DENND1A: variants seen among roughly 807,000 people sequenced by gnomAD.
The protein encoded by DENND1A is DENN domain-containing protein 1A.
Under a neutral mutation model 113.7 loss-of-function variants are expected in DENND1A, and 51 were observed. The observed-to-expected ratio is 0.45, with a 90% CI of 0.36 to 0.57. The LOEUF is 0.57. Ranked by LOEUF, DENND1A falls within the 20% of genes least tolerant of loss-of-function variation. The pLI, the probability that DENND1A is intolerant of heterozygous loss-of-function variation, is 0.00. For missense variants in DENND1A, 1,258 were observed against 1,395.9 expected (o/e 0.90, Z 1.57); for synonymous variants, 565 against 570.8 (o/e 0.99, Z 0.14).
chr9:123,889,697 G>T (rs1413962166), intron 1 of DENND1A, among the ~76,000 whole-genome samples: 1 of 152,208 alleles, frequency 6.6e-6, no homozygotes. Context: ...AAGAGGCCGG[G>T]CGTGGTGGCT....
Position 123,418,763 on chromosome 9 carries a change from C to A in DENND1A, c.1489-6934G>T, listed in dbSNP as rs117088574. ...CTCTGCAGGGAACGAGGGCTGCTAC[C>A]CATTTCACAGATGAGGGCAAGCAAG... On this transcript the variant is annotated intron_variant, in intron 19 of 23. Transcript: ENST00000394215. 1.9e-3 allele frequency among the ~76,000 whole-genome samples: 283 copies of A among 152,352 alleles called. 3 individuals carry two copies. The highest frequency in any genetic ancestry group is 1.5e-3 in the Non-Finnish European group (105 of 68,026).
At chr9:123,662,226 G>C (rs998771264) in intron 8 of DENND1A, among the ~76,000 whole-genome samples, 1 of 152,218 alleles carries the variant, frequency 6.6e-6, no homozygotes. Context: ...AAGTTGGGAA[G>C]ATAGAGTAAT....
In DENND1A at chr9:123,380,730, A is replaced by C. The variant is rs1401338943; in HGVS notation, c.*702T>G. 1 of 152,530 alleles carries C rather than the reference A, an allele frequency of 6.6e-6. No homozygotes were observed. Among genetic ancestry groups the C allele is most frequent in the African/African-American group, 2.4e-5 (1 of 41,432 alleles). 9.4% of individuals were successfully genotyped at this position (152,530 alleles called of 1,614,324 possible). A position where few individuals can be genotyped will look rare whatever the true frequency, so the allele number is the denominator to read the frequency against. On this transcript the variant is annotated 3_prime_UTR_variant, in exon 24 of 24. Transcript: ENST00000394215. The stretch of plus-strand genomic sequence containing the variant: ...GTTTCCATTTTCCTTCTATAAATCA[A>C]AGTTGCTGGTGCTCGCAGCCCCCGT...
chr9:123,904,988 A>C, intron 1 of DENND1A, among the ~76,000 whole-genome samples: 1 of 152,264 alleles, frequency 6.6e-6, no homozygotes, highest in Non-Finnish European at 1.5e-5. Context: ...AGGGAAGTCC[A>C]TCAGACTAAC....
At chr9:123,485,553 G>A (rs1485375303) in intron 13 of DENND1A, 1 of 152,004 alleles carries the variant, frequency 6.6e-6, no homozygotes, top group Non-Finnish European at 1.5e-5. Flanking sequence ...CTGAGTACCT[G>A]ACCATGGGCT....
chr9:123,412,938 C>CT (rs570062732), intron 19 of DENND1A, among the ~76,000 whole-genome samples: 93 of 152,362 alleles, frequency 6.1e-4, no homozygotes, highest in African/African-American at 1.9e-3. Context: ...AATCCCAGCA[C>CT]TTTGGGAGGC....
At chr9:123,833,876 C>A (rs578094682) in intron 2 of DENND1A, among the ~76,000 whole-genome samples, 1 of 152,068 alleles carries the variant, frequency 6.6e-6, no homozygotes, top group Non-Finnish European at 1.5e-5. Flanking sequence ...CTGGCCAACA[C>A]GGTGAAACCC....
intron 13 of DENND1A, among the ~76,000 whole-genome samples, chr9:123,464,156 C>T (rs2048752099): frequency 6.6e-6 from 1 of 152,152 alleles, no homozygotes; most frequent in Non-Finnish European, 1.5e-5. Context: ...TTTTAAAGCA[C>T]TTACTATGGT....
intron 13 of DENND1A, among the ~76,000 whole-genome samples, chr9:123,461,442 A>C (rs1445383993): frequency 6.6e-6 from 1 of 152,126 alleles, no homozygotes; most frequent in Non-Finnish European, 1.5e-5. Context: ...TGTCTCTGAC[A>C]CTGTTTGGCC....
intron 2 of DENND1A, among the ~76,000 whole-genome samples, chr9:123,817,010 AG>A (rs1258562896): frequency 6.6e-6 from 1 of 152,200 alleles, no homozygotes; most frequent in Non-Finnish European, 1.5e-5. Flanking sequence ...CAGAGGAAGC[AG>A]GTTACTTCCT....
At chr9:123,571,497 T>A (rs1382959456) in intron 12 of DENND1A, among the ~76,000 whole-genome samples, 1 of 152,240 alleles carries the variant, frequency 6.6e-6, no homozygotes, top group African/African-American at 2.4e-5. Context: ...ACCACTGATC[T>A]GCTTTCAGCC....
chr9:123,721,489 C>T (rs1057345156), intron 5 of DENND1A, among the ~76,000 whole-genome samples: 3 of 152,208 alleles, frequency 2.0e-5, no homozygotes, highest in African/African-American at 7.2e-5. Context: ...CATCCCATTT[C>T]CCATCTCCAC....
chr9:123,435,522 G>A (rs1248297476), intron 19 of DENND1A, among the ~76,000 whole-genome samples: 3 of 152,206 alleles, frequency 2.0e-5, no homozygotes, highest in Non-Finnish European at 4.4e-5. Flanking sequence ...TTGTTCAGAT[G>A]GGAGAAGAAC....
chr9:123,686,966 A>C (rs755311935), intron 5 of DENND1A, among the ~76,000 whole-genome samples: 2 of 152,160 alleles, frequency 1.3e-5, no homozygotes, highest in Non-Finnish European at 2.9e-5. Context: ...TCTCTATAAA[A>C]GTGTCTGGCT....
At chr9:123,833,116 T>A in intron 2 of DENND1A, among the ~76,000 whole-genome samples, 1 of 85,630 alleles carries the variant, frequency 1.2e-5, no homozygotes, top group African/African-American at 5.3e-5. Context: ...TGGTGAGACC[T>A]CATCTCAAAA....
chr9:123,566,048 A>G (rs7855233), intron 12 of DENND1A, among the ~76,000 whole-genome samples: 66,265 of 151,938 alleles, frequency 0.44, 15,069 homozygotes, highest in African/African-American at 0.56. Flanking sequence ...TGAGGAAAGT[A>G]AGACCCAGTT....
At chr9:123,680,409 G>A (rs2064367419) in intron 5 of DENND1A, among the ~76,000 whole-genome samples, 2 of 152,262 alleles carry the variant, frequency 1.3e-5, no homozygotes, top group Non-Finnish European at 2.9e-5. Context: ...GAGGGCAAGG[G>A]CAGGTTCTAA....
intron 19 of DENND1A, among the ~76,000 whole-genome samples, chr9:123,412,393 G>A (rs891406726): frequency 2.0e-5 from 3 of 152,272 alleles, no homozygotes; most frequent in Admixed American, 1.3e-4. Context: ...GAGCTCTGTC[G>A]GCTCGGATGC....
intron 1 of DENND1A, among the ~76,000 whole-genome samples, chr9:123,884,549 C>G (rs532319389): frequency 6.6e-6 from 1 of 152,120 alleles, no homozygotes; most frequent in Non-Finnish European, 1.5e-5. Context: ...GTCTTGTACC[C>G]TACAATCCAG....
Sources: allele counts gnomAD v4.1 joint callset (sites outside exome capture counted in the v4.1 genomes callset), GRCh38; gene constraint gnomAD v4.1.1; transcripts MANE v1.5; gene names NCBI Gene and HGNC (gene_info 2026-07-23, HGNC 2026-07-21).